Variants in CLYBL observed in about 807,000 individuals in gnomAD.
CLYBL encodes citramalyl-CoA lyase.
A neutral mutation model predicts 38.9 loss-of-function variants in CLYBL; 31 were observed. The observed-to-expected ratio is 0.80, with a 90% confidence interval of 0.60 to 1.08. The LOEUF (loss-of-function observed/expected upper bound fraction) is 1.08. CLYBL is among the 50% of genes least tolerant of loss of function. The pLI, the probability that CLYBL is intolerant of heterozygous loss-of-function variation, is 0.00. For missense variants in CLYBL, 434 were observed against 411.6 expected, an observed-to-expected ratio of 1.05 and a Z score of -0.47; for synonymous variants, 171 against 158.6, an observed-to-expected ratio of 1.08 and a Z score of -0.59.
intron 2 of CLYBL, among the ~76,000 whole-genome samples, chr13:99,827,200 G>C (rs1023608963): frequency 7.2e-5 from 11 of 152,310 alleles, no homozygotes; most frequent in African/African-American, 1.7e-4. Context: ...GCAGTTCCCA[G>C]TGGGGTTACG....
intron 2 of CLYBL, among the ~76,000 whole-genome samples, chr13:99,835,625 C>T (rs573682465): frequency 4.6e-5 from 7 of 152,344 alleles, no homozygotes; most frequent in Non-Finnish European, 8.8e-5. Context: ...TGCCACACCC[C>T]TGTGCAACCA....
intron 1 of CLYBL, among the ~76,000 whole-genome samples, chr13:99,721,856 G>T (rs1349546535): frequency 6.6e-6 from 1 of 152,098 alleles, no homozygotes; most frequent in Non-Finnish European, 1.5e-5. Flanking sequence ...TTCAGCAGGG[G>T]TTATTTTTGC....
At chr13:99,650,262 C>CA (rs58278317) in intron 1 of CLYBL, among the ~76,000 whole-genome samples, 21,069 of 148,508 alleles carry the variant, frequency 0.14, 1,679 homozygotes, top group African/African-American at 0.22. Flanking sequence ...GACTCCGTCT[C>CA]AAAAAAAAAA....
chr13:99,781,459 T>C (rs928664058), intron 2 of CLYBL, among the ~76,000 whole-genome samples: 1 of 151,730 alleles, frequency 6.6e-6, no homozygotes, highest in African/African-American at 2.4e-5. Context: ...CATAAGCCAC[T>C]GCACCCAGCC....
chr13:99,899,782 G>A (rs868453691), downstream of CLYBL, among the ~76,000 whole-genome samples: 3 of 152,114 alleles, frequency 2.0e-5, no homozygotes, highest in Non-Finnish European at 2.9e-5. Context: ...TGCTTGGCAC[G>A]TAGTAGGCAT....
intron 2 of CLYBL, among the ~76,000 whole-genome samples, chr13:99,790,168 C>CTT (rs1398273944): frequency 6.6e-6 from 1 of 152,082 alleles, no homozygotes; most frequent in South Asian, 2.1e-4. Flanking sequence ...CAGTCTGTGT[C>CTT]TTTTAATTGG....
intron 7 of CLYBL, among the ~76,000 whole-genome samples, chr13:99,878,146 A>C (rs144826187): frequency 0.014 from 2,161 of 152,324 alleles, 43 homozygotes; most frequent in African/African-American, 0.049. Flanking sequence ...AAAAAAATTT[A>C]TTAGATGTAC....
chr13:99,769,974 G>T (rs1391482745), intron 1 of CLYBL, among the ~76,000 whole-genome samples: 2 of 152,086 alleles, frequency 1.3e-5, no homozygotes, highest in African/African-American at 4.8e-5. Flanking sequence ...GGGTTTTCAT[G>T]AAGATATAGC....
chr13:99,818,007 G>T lies in CLYBL; in HGVS notation c.250-40854G>T, dbSNP rs2050495597. Reference sequence around the variant, plus strand: ...GACAGAGTGAGAACTTGTCTCAAAAGGAAGGAAGGAAGAGAAGGAAGGAAG... The same window carrying T: ...GACAGAGTGAGAACTTGTCTCAAAATGAAGGAAGGAAGAGAAGGAAGGAAG... On this transcript the variant is annotated intron_variant, in intron 2 of 8. Coordinates refer to ENST00000339105, the MANE Select transcript of CLYBL (RefSeq NM_206808.5). 3.3e-5 allele frequency among the ~76,000 whole-genome samples: 5 copies of T among 150,092 alleles called. No individual in the cohort carries two copies. In the Admixed American group the frequency reaches 3.3e-4, roughly 10 times the overall value.
intron 1 of CLYBL, among the ~76,000 whole-genome samples, chr13:99,626,422 A>C (rs1436528191): frequency 6.6e-6 from 1 of 152,218 alleles, no homozygotes; most frequent in Non-Finnish European, 1.5e-5. Context: ...ACAAGGAGCC[A>C]GTGGAGATGT....
At chr13:99,797,560 T>TGTGTGTGTGTGTGTGTGTGTG (rs2050046535) in intron 2 of CLYBL, among the ~76,000 whole-genome samples, 1 of 141,708 alleles carries the variant, frequency 7.1e-6, no homozygotes, top group African/African-American at 2.7e-5. Flanking sequence ...TGTTAGCTGT[T>TGTGTGTGTGTGTGTGTGTGTG]TGTGTGTGTG....
intron 1 of CLYBL, among the ~76,000 whole-genome samples, chr13:99,652,030 C>T (rs1264456065): frequency 5.3e-5 from 8 of 152,188 alleles, no homozygotes; most frequent in Admixed American, 2.0e-4. Flanking sequence ...TTCACACCGT[C>T]GGTGGAAAGC....
chr13:99,656,587 C>T (rs1201508993), intron 1 of CLYBL, among the ~76,000 whole-genome samples: 4 of 152,226 alleles, frequency 2.6e-5, no homozygotes, highest in Admixed American at 2.0e-4. Context: ...CCAATGTTTA[C>T]ATGGCAGTAA....
chr13:99,871,130 T>C, intron 7 of CLYBL, 68 bp downstream of exon 7: 1 of 1,565,830 alleles, frequency 6.4e-7, no homozygotes, highest in Non-Finnish European at 8.8e-7. Context: ...ATGAAACAAA[T>C]ATGTTGTGTG....
At chr13:99,742,386 G>A (rs1190431956) in intron 1 of CLYBL, among the ~76,000 whole-genome samples, 1 of 152,168 alleles carries the variant, frequency 6.6e-6, no homozygotes, top group African/African-American at 2.4e-5. Flanking sequence ...TACACATGTT[G>A]TTATTTTAAC....
intron 8 of CLYBL, among the ~76,000 whole-genome samples, chr13:99,903,576 G>T (rs906411711): frequency 3.3e-5 from 5 of 152,056 alleles, no homozygotes; most frequent in Admixed American, 1.3e-4. Flanking sequence ...TTGACATCTT[G>T]ACTCTTAAAG....
At chr13:99,795,312 C>T (rs888883431) in intron 2 of CLYBL, among the ~76,000 whole-genome samples, 4 of 152,152 alleles carry the variant, frequency 2.6e-5, no homozygotes, top group Non-Finnish European at 4.4e-5. Context: ...TAAGAAGCAG[C>T]ATATTCTTGG....
chr13:99,679,304 A>AAAG (rs1555351593), intron 1 of CLYBL, among the ~76,000 whole-genome samples: 7,628 of 137,638 alleles, frequency 0.055, 338 homozygotes, highest in Non-Finnish European at 0.075. Context: ...AAAAAAAAAA[A>AAAG]AAAAGAAAAG....
At chr13:99,626,493 G>A (rs1053154331) in intron 1 of CLYBL, among the ~76,000 whole-genome samples, 1 of 152,222 alleles carries the variant, frequency 6.6e-6, no homozygotes, top group Non-Finnish European at 1.5e-5. Flanking sequence ...CTAAGTGTTA[G>A]TCCCATGTCA....
Sources: allele counts gnomAD v4.1 joint callset (sites outside exome capture counted in the v4.1 genomes callset), GRCh38; gene constraint gnomAD v4.1.1; transcripts MANE v1.5; gene names NCBI Gene and HGNC (gene_info 2026-07-23, HGNC 2026-07-21).